KCNJ13: variants seen among roughly 807,000 people sequenced by gnomAD.
The protein encoded by KCNJ13 is potassium inwardly rectifying channel subfamily J member 13, also known as inward rectifier potassium channel 13.
In KCNJ13, 9 loss-of-function variants were observed where a neutral mutation model predicts 24.6. That is an observed-to-expected ratio of 0.37 (90% CI 0.22 to 0.64). KCNJ13 has a LOEUF of 0.64. Among genes scored for constraint, KCNJ13 ranks in the 30% least tolerant of loss-of-function variants. KCNJ13 has a pLI of 0.64. For synonymous variants in KCNJ13, 148 were observed against 154.7 expected (o/e 0.96, Z 0.32); for missense variants, 337 against 443.8 (o/e 0.76, Z 2.16).
intron 2 of KCNJ13, 54 bp downstream of exon 2, chr2:232,770,849 T>G: frequency 7.9e-7 from 1 of 1,265,120 alleles, no homozygotes. Flanking sequence ...CACCTGTAGT[T>G]TTGTTTTGTT....
Position 232,771,288 on chromosome 2 carries a change from G to A in KCNJ13, c.75C>T (p.Gly25=). The A allele has an allele frequency of 1.2e-6, 2 of 1,609,794 alleles. No individual in the cohort carries two copies. Among genetic ancestry groups the A allele is most frequent in the South Asian group, 2.2e-5 (2 of 90,332 alleles). Residue 25 remains glycine (G), a synonymous_variant, in exon 2 of 3, where the codon GGC becomes GGT. Transcript: ENST00000233826. ...CGCCATCCATTTGAAGTGTGCTGTG[G>A]CCATCCTTGGTGACCATCCTCCGGT... ...QRYRRMVTKD[G]HSTLQMDGAQ... is the part of the protein sequence containing the mutation.
intron 1 of KCNJ13, 41 bp downstream of exon 1, chr2:232,776,404 C>A: frequency 3.2e-6 from 5 of 1,553,276 alleles, no homozygotes; most frequent in Non-Finnish European, 4.4e-6. Flanking sequence ...TTCCCTGTTT[C>A]CCATAAGGAA....
chr2:232,770,093 C>G (rs1699170025), intron 2 of KCNJ13, among the ~76,000 whole-genome samples: 1 of 152,074 alleles, frequency 6.6e-6, no homozygotes, highest in Non-Finnish European at 1.5e-5. Flanking sequence ...AAGGACTGAC[C>G]CAGTATAGGA....
At chr2:232,773,933 A>G (rs1699393078) in intron 1 of KCNJ13, among the ~76,000 whole-genome samples, 1 of 143,948 alleles carries the variant, frequency 6.9e-6, no homozygotes, top group Non-Finnish European at 1.5e-5. Flanking sequence ...AAAAAAAAAA[A>G]GGTGTCTTAA....
rs777151091 is a variant in KCNJ13, at chr2:232,771,459, G to A, written c.-16-81C>T. ...AATTTGGAGAGCTCATGGACTTTCT[G>A]CTTTCTTGGGAATGCTTCTCTAACC... On this transcript the variant is annotated intron_variant, in intron 1 of 2. Transcript: ENST00000233826. The A allele has an allele frequency of 1.7e-4, 153 of 883,924 alleles. No individual in the cohort carries two copies. The Middle Eastern group carries it at 2.0e-3, about 11-fold the overall frequency. The allele number at this position is 883,924 out of a possible 1,614,324, so 54.8% of individuals were successfully genotyped here. A position where few individuals can be genotyped will look rare whatever the true frequency, so the allele number is the denominator to read the frequency against.
In KCNJ13 at chr2:232,768,036, T is replaced by A. The variant is rs867077234; in HGVS notation, c.*155A>T. 7 of 701,230 alleles carry A rather than the reference T, an allele frequency of 1.0e-5. 1 individual carries two copies. The South Asian group carries it at 1.1e-4, about 11-fold the overall frequency. The allele number at this position is 701,230 out of a possible 1,614,324, so 43.4% of individuals were successfully genotyped here. A position where few individuals can be genotyped will look rare whatever the true frequency, so the allele number is the denominator to read the frequency against. Reference sequence around the variant, plus strand: ...AGTGTTATGTTTCCAGAATGTGTATTGTTAGCTCAGCCATTCTTATGTAGG... The same window carrying A: ...AGTGTTATGTTTCCAGAATGTGTATAGTTAGCTCAGCCATTCTTATGTAGG... On this transcript the variant is annotated 3_prime_UTR_variant, in exon 3 of 3. Coordinates refer to ENST00000233826, the MANE Select transcript of KCNJ13 (RefSeq NM_002242.4).
In KCNJ13 at chr2:232,768,763, G is replaced by A. The variant is rs147221151; in HGVS notation, c.511C>T (p.Arg171Cys). The A allele has an allele frequency of 3.1e-5, 50 of 1,599,628 alleles. No individual in the cohort carries two copies. Among genetic ancestry groups the A allele is most frequent in the South Asian group, 2.8e-4 (25 of 90,146 alleles). ...ARPKNRAFSI[R>C]FTDTAVVAHM... Reference sequence around the variant, plus strand: ...GCTACTACTGCTGTGTCAGTAAAGCGAATTGAAAAAGCTCGATTTTTTGGC... The same window carrying A: ...GCTACTACTGCTGTGTCAGTAAAGCAAATTGAAAAAGCTCGATTTTTTGGC... The change falls in exon 3 of 3, where the codon CGC (arginine) becomes TGC (cysteine). Residue 171 changes from arginine (R) to cysteine (C), a missense_variant. Arg to Cys is a radical substitution (Grantham distance 180, BLOSUM62 -3). This residue lies in a region of KCNJ13 where 235 missense variants were observed against 286.9 expected (regional missense o/e 0.82). Coordinates refer to ENST00000233826, the MANE Select transcript of KCNJ13 (RefSeq NM_002242.4).
rs12997534 is a variant in KCNJ13 at position 232,776,534 on chromosome 2, C to G, written c.-106G>C. 1.0e-6 allele frequency: 1 copy of G among 967,464 alleles called. No individual in the cohort carries two copies. Among genetic ancestry groups the G allele is most frequent in the Non-Finnish European group, 1.6e-6 (1 of 608,698 alleles). The allele number at this position is 967,464 out of a possible 1,614,324, so 59.9% of individuals were successfully genotyped here. Reference sequence around the variant, plus strand: ...TTTTTGATCAGATAATTTTAATCTACAAGTCTAGTTTGTAGGTTCTCTTCT... The same window carrying G: ...TTTTTGATCAGATAATTTTAATCTAGAAGTCTAGTTTGTAGGTTCTCTTCT... On this transcript the variant is annotated 5_prime_UTR_variant, in exon 1 of 3. Transcript: ENST00000233826.
At chr2:232,774,522 A>C (rs570681877) in intron 1 of KCNJ13, among the ~76,000 whole-genome samples, 4 of 152,184 alleles carry the variant, frequency 2.6e-5, no homozygotes, top group Non-Finnish European at 4.4e-5. Context: ...TGAGAAGACA[A>C]TTTTACAAGT....
In KCNJ13 at chr2:232,768,374, T is replaced by A; in HGVS notation, c.900A>T (p.Ala300=). The A allele has an allele frequency of 6.2e-7, 1 of 1,614,192 alleles. No individual in the cohort carries two copies. The highest frequency in any genetic ancestry group is 1.7e-5 in the Admixed American group (1 of 60,016). Reference sequence around the variant, plus strand: ...CTTTGGAACCTCGGGTCAACAGAGATGCAAAACAGTGATGTAACATGATTT... The same window carrying A: ...CTTTGGAACCTCGGGTCAACAGAGAAGCAAAACAGTGATGTAACATGATTT... ...PSEIMLHHCF[A]SLLTRGSKGE... is the part of the protein sequence containing the mutation. Residue 300 remains alanine (A), a synonymous_variant, in exon 3 of 3, where the codon GCA becomes GCT. Transcript: ENST00000233826.
At position 232,770,957 on chromosome 2, in the gene KCNJ13, C is replaced by T. The variant is rs749097137; in HGVS notation, c.406G>A (p.Ala136Thr). The change falls in exon 2 of 3, where the codon GCC (alanine) becomes ACC (threonine). Residue 136 changes from alanine (A) to threonine (T), a missense_variant. Ala to Thr is a moderately conservative substitution (Grantham distance 58). This residue lies in a region of KCNJ13 where 235 missense variants were observed against 286.9 expected (regional missense o/e 0.82). Coordinates refer to ENST00000233826, the MANE Select transcript of KCNJ13 (RefSeq NM_002242.4). ...AGGAGCATTTGTATGGCAAGTAAGGCGATTGCACTTGGACAGTCACCACTG... is the reference window on the plus strand; with the variant it reads ...AGGAGCATTTGTATGGCAAGTAAGGTGATTGCACTTGGACAGTCACCACTG... ...FPSGDCPSAIALLAIQMLLGL... is the reference protein window; with the variant it reads ...FPSGDCPSAITLLAIQMLLGL... The T allele has an allele frequency of 1.7e-5, 28 of 1,613,762 alleles. No individual in the cohort carries two copies. Among genetic ancestry groups the T allele is most frequent in the Admixed American group, 5.0e-5 (3 of 59,968 alleles).
At chr2:232,774,804 G>C (rs531549904) in intron 1 of KCNJ13, among the ~76,000 whole-genome samples, 6 of 152,204 alleles carry the variant, frequency 3.9e-5, no homozygotes, top group African/African-American at 1.4e-4. Context: ...AAAACTCCAT[G>C]ATTCTTTTGT....
rs1328258029 is a variant in KCNJ13, at chr2:232,766,808, AAG to A, written c.*1381_*1382del. 1.3e-5 allele frequency: 2 copies of A among 152,204 alleles called. No individual in the cohort carries two copies. The highest frequency in any genetic ancestry group is 4.8e-5 in the African/African-American group (2 of 41,430). 9.4% of individuals were successfully genotyped at this position (152,204 alleles called of 1,614,324 possible). ...CCTTTACTCAGCTAGTATTTATTTC[AAG>A]AGATGATTCCTGCCTAGGTCATCAC... On this transcript the variant is annotated 3_prime_UTR_variant, in exon 3 of 3. Transcript: ENST00000233826.
intron 1 of KCNJ13, 26 bp from the exon 2 acceptor site, chr2:232,771,404 C>A (rs1192945404): frequency 1.4e-6 from 2 of 1,416,666 alleles, no homozygotes; most frequent in South Asian, 1.2e-5. Context: ...AATTAGTAAG[C>A]TCTTAACTGT....
chr2:232,774,120 AG>A (rs1489556780), intron 1 of KCNJ13, among the ~76,000 whole-genome samples: 2 of 151,190 alleles, frequency 1.3e-5, no homozygotes, highest in African/African-American at 4.9e-5. Flanking sequence ...TGTCTCTAAA[AG>A]AAAAAAAAAA....
At position 232,771,131 on chromosome 2, in the gene KCNJ13, G is replaced by T; in HGVS notation, c.232C>A (p.Leu78Met). ...TCCAGATCACCATTCATCTCAGCCA[G>T]AACATACCAGAGCACTGCAAAGACA... ...WLVFAVLWYVLAEMNGDLELD... is the reference protein window; with the variant it reads ...WLVFAVLWYVMAEMNGDLELD... The change falls in exon 2 of 3, where the codon CTG becomes ATG. Residue 78 changes from leucine to methionine, a missense_variant. Around this residue, in one of 3 missense-constraint regions of KCNJ13, gnomAD observed 101 missense variants for 139.2 expected, o/e 0.73. Transcript: ENST00000233826. The T allele has an allele frequency of 6.2e-7, 1 of 1,614,088 alleles. No individual in the cohort carries two copies. Among genetic ancestry groups the T allele is most frequent in the Non-Finnish European group, 8.5e-7 (1 of 1,180,020 alleles).
chr2:232,769,268 C>T (rs866486635), intron 2 of KCNJ13, among the ~76,000 whole-genome samples: 85 of 152,152 alleles, frequency 5.6e-4, no homozygotes, highest in African/African-American at 1.8e-3. Context: ...TGGTGTCTCA[C>T]GCCTGTAATC....
Position 232,766,043 on chromosome 2 carries a change from T to C in KCNJ13, c.*2148A>G. 1 of 469,856 alleles carries C rather than the reference T, an allele frequency of 2.1e-6. No homozygotes were observed. The highest frequency in any genetic ancestry group is 4.4e-6 in the Non-Finnish European group (1 of 226,404). The allele number at this position is 469,856 out of a possible 1,614,324, so 29.1% of individuals were successfully genotyped here. On this transcript the variant is annotated 3_prime_UTR_variant, in exon 3 of 3. Transcript: ENST00000233826. ...TCCTCCCTCCCAGTAATTTCCGCCC[T>C]TTTTCCATTGTTACTTCCTTTTCCT...
Position 232,768,630 on chromosome 2 carries a change from C to T in KCNJ13, c.644G>A (p.Gly215Asp). ...SAVLYQERENGKLYQTSVDFH... is the reference protein window; with the variant it reads ...SAVLYQERENDKLYQTSVDFH... Reference sequence around the variant, plus strand: ...ATCCACACTGGTCTGGTAGAGTTTGCCATTTTCTCTTTCCTGATAGAGTAC... The same window carrying T: ...ATCCACACTGGTCTGGTAGAGTTTGTCATTTTCTCTTTCCTGATAGAGTAC... The change falls in exon 3 of 3, where the codon GGC (glycine) becomes GAC (aspartate). Residue 215 changes from glycine to aspartate, a missense_variant. Around this residue, in one of 3 missense-constraint regions of KCNJ13, gnomAD observed 235 missense variants for 286.9 expected, o/e 0.82. Coordinates refer to ENST00000233826, the MANE Select transcript of KCNJ13 (RefSeq NM_002242.4). The T allele has an allele frequency of 6.2e-7, 1 of 1,614,036 alleles. No individual in the cohort carries two copies. Among genetic ancestry groups the T allele is most frequent in the Non-Finnish European group, 8.5e-7 (1 of 1,179,960 alleles).
Sources: gnomAD v4.1 joint callset for allele counts (sites outside exome capture counted in the v4.1 genomes callset) on GRCh38, gnomAD v4.1.1 for gene constraint, gnomAD v4.1.1 regional missense constraint, MANE v1.5 for transcripts, NCBI Gene and HGNC (gene_info 2026-07-23, HGNC 2026-07-21) for gene names.